DMGDH: variants seen among roughly 807,000 people sequenced by gnomAD.
The protein encoded by DMGDH is dimethylglycine dehydrogenase.
A neutral mutation model predicts 95.2 loss-of-function variants in DMGDH; 76 were observed. The observed-to-expected ratio is 0.80, with a 90% CI of 0.66 to 0.97. DMGDH has a LOEUF of 0.97. DMGDH is among the 50% of genes least tolerant of loss of function. The pLI is 0.00. For missense variants in DMGDH, 987 were observed against 1,055.0 expected (o/e 0.94, Z 0.89); for synonymous variants, 345 against 377.6 (o/e 0.91, Z 1.00).
chr5:79,022,947 T>G (rs1339496890), intron 14 of DMGDH, among the ~76,000 whole-genome samples: 2 of 152,226 alleles, frequency 1.3e-5, no homozygotes, highest in Non-Finnish European at 2.9e-5. Flanking sequence ...GGGAGCAATC[T>G]GCTGCTAGGG....
intron 7 of DMGDH, among the ~76,000 whole-genome samples, chr5:79,040,763 TA>T (rs928390065): frequency 6.6e-6 from 1 of 151,980 alleles, no homozygotes; most frequent in African/African-American, 2.4e-5. Flanking sequence ...AGCTAAACAA[TA>T]AAAAGACAAA....
chr5:79,055,326 A>G (rs1754995213), intron 3 of DMGDH, among the ~76,000 whole-genome samples: 1 of 152,218 alleles, frequency 6.6e-6, no homozygotes, highest in Non-Finnish European at 1.5e-5. Context: ...AGTGACATGG[A>G]AAATTTGAGA....
At chr5:79,033,809 G>A (rs529136444) in intron 7 of DMGDH, among the ~76,000 whole-genome samples, 1 of 152,244 alleles carries the variant, frequency 6.6e-6, no homozygotes, top group South Asian at 2.1e-4. Context: ...GCACGAGACT[G>A]TGGTCCCAGG....
In DMGDH at chr5:79,026,501, C is replaced by T. The variant is rs762664637; in HGVS notation, c.2113G>A (p.Glu705Lys). 11 of 1,614,064 alleles carry T rather than the reference C, an allele frequency of 6.8e-6. No homozygotes were observed. Among genetic ancestry groups the T allele is most frequent in the Non-Finnish European group, 9.3e-6 (11 of 1,180,042 alleles). ...YDAIMNAGQE[E>K]GIDNFGTYAM... ...TAGGTTCCAAAATTGTCGATTCCCT[C>T]CTCCTGGCCTGCATTCATGATAGCG... Residue 705 changes from glutamate (E) to lysine (K), a missense_variant, in exon 13 of 16, where the codon GAG becomes AAG. Coordinates refer to ENST00000255189, the MANE Select transcript of DMGDH (RefSeq NM_013391.3).
rs372248585 is a variant in DMGDH at position 79,058,889 on chromosome 5, C to G, written c.277-2981G>C. Among the ~76,000 whole-genome samples, 20 of 152,288 alleles carry G rather than the reference C, an allele frequency of 1.3e-4. No individual in the cohort carries two copies. In the East Asian group the frequency reaches 2.3e-3, roughly 18 times the overall value. On this transcript the variant is annotated intron_variant, in intron 2 of 15. Transcript: ENST00000255189. ...GGATGCTAACTAGTGCTTCCCCTGT[C>G]TCCTTAACAAACCTCTCCCTCTCTC... is the stretch of plus-strand genomic sequence containing the variant.
intron 5 of DMGDH, among the ~76,000 whole-genome samples, chr5:79,050,009 C>T (rs1754790614): frequency 6.6e-6 from 1 of 151,870 alleles, no homozygotes; most frequent in African/African-American, 2.4e-5. Flanking sequence ...GTAATCCTAG[C>T]ACTTTGGGAG....
Position 79,028,444 on chromosome 5 carries a change from A to G in DMGDH, c.2021T>C (p.Ile674Thr), listed in dbSNP as rs749045341. ...VSNIPVTAIR[I>T]SYTGELGWEL... Reference sequence around the variant, plus strand: ...TTTTCCAATCTTACCAGTATAAGATATCCTAATAGCAGTGACAGGAATGTT... The same window carrying G: ...TTTTCCAATCTTACCAGTATAAGATGTCCTAATAGCAGTGACAGGAATGTT... The change falls in exon 12 of 16, where the codon ATA becomes ACA. Residue 674 changes from isoleucine to threonine, a missense_variant. Transcript: ENST00000255189. The G allele has an allele frequency of 4.3e-6, 7 of 1,612,486 alleles. No individual in the cohort carries two copies. Among genetic ancestry groups the G allele is most frequent in the Non-Finnish European group, 5.9e-6 (7 of 1,178,536 alleles).
At chr5:79,010,752 C>T (rs10514152) in intron 14 of DMGDH, among the ~76,000 whole-genome samples, 18,092 of 152,090 alleles carry the variant, frequency 0.12, 1,592 homozygotes, top group East Asian at 0.27. Context: ...TAAGGGAATC[C>T]GTGTAACATC....
chr5:79,065,219 C>CTT (rs35123793), intron 1 of DMGDH, among the ~76,000 whole-genome samples: 9,132 of 129,576 alleles, frequency 0.07, 431 homozygotes, highest in Middle Eastern at 0.11. Context: ...TTTTCTTTTC[C>CTT]TTTTTTTTTT....
chr5:79,048,702 G>A (rs1017800721), intron 5 of DMGDH, among the ~76,000 whole-genome samples: 1 of 151,868 alleles, frequency 6.6e-6, no homozygotes, highest in African/African-American at 2.4e-5. Context: ...TTACCCTTTG[G>A]GGAATCTTCT....
At position 79,061,029 on chromosome 5, in the gene DMGDH, C is replaced by A. The variant is rs192597143; in HGVS notation, c.276+2584G>T. 3.6e-3 allele frequency among the ~76,000 whole-genome samples: 552 copies of A among 152,014 alleles called. 2 individuals carry two copies. The highest frequency in any genetic ancestry group is 0.021 in the South Asian group (102 of 4,818). ...TTGAGCCCAGGAGTTTGAGACCAGC[C>A]TGGACAACGTAGGGAGACCTCATCT... On this transcript the variant is annotated intron_variant, in intron 2 of 15. Transcript: ENST00000255189.
At chr5:79,027,267 C>T (rs1421829058) in intron 12 of DMGDH, among the ~76,000 whole-genome samples, 1 of 152,102 alleles carries the variant, frequency 6.6e-6, no homozygotes, top group Admixed American at 6.5e-5. Flanking sequence ...TCAATCAGTC[C>T]TCCCACTCTG....
intron 15 of DMGDH, among the ~76,000 whole-genome samples, chr5:79,005,006 T>C (rs1753521484): frequency 6.6e-6 from 1 of 152,240 alleles, no homozygotes; most frequent in Non-Finnish European, 1.5e-5. Context: ...AATCATATCC[T>C]TCTCATTGTC....
rs548505236 is a variant in DMGDH, at chr5:79,031,057, A to G, written c.1518-59T>C. On this transcript the variant is annotated intron_variant, in intron 9 of 15. Transcript: ENST00000255189. ...CCCGTTCATTTTTCAAAAATTACAG[A>G]ATACGATATTTTAATAAGCCCTACT... The G allele has an allele frequency of 7.9e-5, 126 of 1,588,802 alleles. No homozygotes were observed. The Middle Eastern group carries it at 1.0e-3, about 13-fold the overall frequency.
chr5:79,063,557 T>C (rs543182160), intron 2 of DMGDH, 56 bp downstream of exon 2: 13 of 1,608,134 alleles, frequency 8.1e-6, no homozygotes, highest in East Asian at 2.2e-5. Context: ...GGGAAGGAAA[T>C]GGACTTTACT....
Position 79,063,788 on chromosome 5 carries a change from C to A in DMGDH, c.102-1G>T, listed in dbSNP as rs1383150154. ...TGCAGATAAGGGTGGTTTTTCCTCT[C>A]TGGAAGAGGGAAAGTTAAAATGGGA... On this transcript the variant is annotated splice_acceptor_variant, in intron 1 of 15. Transcript: ENST00000255189. LOFTEE classifies it high-confidence loss of function. 1 of 1,614,024 alleles carries A rather than the reference C, an allele frequency of 6.2e-7. No homozygotes were observed. Among genetic ancestry groups the A allele is most frequent in the Non-Finnish European group, 8.5e-7 (1 of 1,180,018 alleles).
In DMGDH at chr5:79,005,372, C is replaced by T. The variant is rs754547705; in HGVS notation, c.2286G>A (p.Gln762=). The change falls in exon 15 of 16, where the codon CAG becomes CAA. Residue 762 remains glutamine (Q), a synonymous_variant. Transcript: ENST00000255189. ...ADFIGKQALK[Q]IKAKGLKRRL... ...TTCGTTTCAGCCCCTTGGCTTTAAT[C>T]TGTTTCAGTGCTTGCTTTCCTATGA... is the stretch of plus-strand genomic sequence containing the variant. 3.1e-6 allele frequency: 5 copies of T among 1,613,952 alleles called. No homozygotes were observed. Among genetic ancestry groups the T allele is most frequent in the Non-Finnish European group, 3.4e-6 (4 of 1,180,008 alleles).
rs766714992 is a variant in DMGDH at position 79,051,403 on chromosome 5, C to T, written c.629G>A (p.Gly210Asp). The change falls in exon 5 of 16, where the codon GGT becomes GAT. Residue 210 changes from glycine to aspartate, a missense_variant. Coordinates refer to ENST00000255189, the MANE Select transcript of DMGDH (RefSeq NM_013391.3). ...TGGTGCAGGATATTTTAAAAGGGCA[C>T]CACATTTCCTAGCCCCAGCAGCCAG... ...MALAAGARKCGALLKYPAPVT... is the reference protein window; with the variant it reads ...MALAAGARKCDALLKYPAPVT... 6.2e-7 allele frequency: 1 copy of T among 1,614,142 alleles called. No homozygotes were observed. The highest frequency in any genetic ancestry group is 1.1e-5 in the South Asian group (1 of 91,080).
chr5:79,050,268 AAAAAAATATATATAT>A (rs1251557913), intron 5 of DMGDH, among the ~76,000 whole-genome samples: 104 of 59,272 alleles, frequency 1.8e-3, no homozygotes, highest in African/African-American at 5.3e-3. Flanking sequence ...AAAAAAAAAA[AAAAAAATATATATAT>A]ATATATATAT....
Sources: allele counts gnomAD v4.1 joint callset (sites outside exome capture counted in the v4.1 genomes callset), GRCh38; gene constraint gnomAD v4.1.1; transcripts MANE v1.5; gene names NCBI Gene and HGNC (gene_info 2026-07-23, HGNC 2026-07-21).